The following CDH20 variants were observed in gnomAD, a reference collection of about 807,000 sequenced individuals.
CDH20 encodes the protein cadherin-20.
A neutral mutation model predicts 74.2 loss-of-function variants in CDH20; 29 were observed. The observed-to-expected ratio is 0.39, with a 90% CI of 0.29 to 0.53. CDH20 has a LOEUF of 0.53. Among genes scored for constraint, CDH20 ranks in the 20% least tolerant of loss-of-function variants. CDH20 has a pLI of 0.69. For synonymous variants in CDH20, 469 were observed against 405.4 expected, an observed-to-expected ratio of 1.16 and a Z score of -1.88; for missense variants, 988 against 1,048.3, an observed-to-expected ratio of 0.94 and a Z score of 0.79.
chr18:61,469,330 G>A, intron 1 of CDH20, among the ~76,000 whole-genome samples: 1 of 151,262 alleles, frequency 6.6e-6, no homozygotes, highest in East Asian at 1.9e-4. Context: ...GAAAGCAGCT[G>A]AGCAAAGCTT....
intron 7 of CDH20, among the ~76,000 whole-genome samples, chr18:61,535,391 T>G (rs1165683754): frequency 6.6e-6 from 1 of 152,202 alleles, no homozygotes; most frequent in East Asian, 1.9e-4. Context: ...AAGGTTCTCA[T>G]TGATGGTTCT....
chr18:61,418,947 T>C (rs763270109), intron 1 of CDH20, among the ~76,000 whole-genome samples: 79 of 152,234 alleles, frequency 5.2e-4, no homozygotes, highest in Non-Finnish European at 9.3e-4. Flanking sequence ...ATGCTTTTAT[T>C]TGAATTTGAT....
chr18:61,347,560 A>C (rs1910170727), intron 1 of CDH20, among the ~76,000 whole-genome samples: 1 of 147,744 alleles, frequency 6.8e-6, no homozygotes, highest in Non-Finnish European at 1.5e-5. Context: ...CCACACACAC[A>C]CACAAAAACA....
chr18:61,339,283 A>G lies in CDH20; in HGVS notation c.-153+5456A>G, dbSNP rs139244091. 4.7e-4 allele frequency among the ~76,000 whole-genome samples: 72 copies of G among 152,274 alleles called. 1 individual carries two copies. The East Asian group carries it at 0.012, about 26-fold the overall frequency. On this transcript the variant is annotated intron_variant, in intron 1 of 11. Transcript: ENST00000262717. ...TGAATTACTATTTACCAGTAGTAAC[A>G]TAATCAGATTCTACTCTTTAAGTAC...
intron 1 of CDH20, among the ~76,000 whole-genome samples, chr18:61,463,092 T>C (rs1390920229): frequency 2.6e-5 from 4 of 152,212 alleles, no homozygotes; most frequent in African/African-American, 9.6e-5. Flanking sequence ...ATTGTCTTCC[T>C]GGACTTAGAA....
rs139422800 is a variant in CDH20 at position 61,362,160 on chromosome 18, C to T, written c.-153+28333C>T. Among the ~76,000 whole-genome samples, 246 of 152,142 alleles carry T rather than the reference C, an allele frequency of 1.6e-3. 2 individuals carry two copies. Among genetic ancestry groups the T allele is most frequent in the Non-Finnish European group, 1.7e-3 (117 of 67,982 alleles). ...TAACCCAAAACCATCACTTAAAAAG[C>T]GAAATTACAGAAAATTTAAGAAAAT... On this transcript the variant is annotated intron_variant, in intron 1 of 11. Coordinates refer to ENST00000262717, the MANE Select transcript of CDH20 (RefSeq NM_031891.4).
chr18:61,456,085 G>T (rs192536221), intron 1 of CDH20, among the ~76,000 whole-genome samples: 1 of 152,164 alleles, frequency 6.6e-6, no homozygotes, highest in Non-Finnish European at 1.5e-5. Flanking sequence ...AAGCTTCACC[G>T]TTTGGGGTGG....
intron 1 of CDH20, among the ~76,000 whole-genome samples, chr18:61,402,688 CTG>C (rs1312452786): frequency 6.6e-6 from 1 of 152,122 alleles, no homozygotes; most frequent in Non-Finnish European, 1.5e-5. Flanking sequence ...TTAGAAAATT[CTG>C]TTTAAGTCTT....
intron 1 of CDH20, among the ~76,000 whole-genome samples, chr18:61,474,232 A>G (rs1010240319): frequency 6.6e-6 from 1 of 152,144 alleles, no homozygotes; most frequent in Non-Finnish European, 1.5e-5. Context: ...AAGAAACCTG[A>G]TGTTGTTTAA....
intron 1 of CDH20, among the ~76,000 whole-genome samples, chr18:61,434,351 A>G (rs1908757679): frequency 1.3e-5 from 2 of 152,178 alleles, no homozygotes; most frequent in South Asian, 4.1e-4. Context: ...AGAATTCTGT[A>G]TTTAGTGTAC....
At chr18:61,334,006 C>A (rs1428782510) in intron 1 of CDH20, among the ~76,000 whole-genome samples, 179 bp downstream of exon 1, 2 of 152,160 alleles carry the variant, frequency 1.3e-5, no homozygotes, top group African/African-American at 2.4e-5. Flanking sequence ...TCGACTTCCT[C>A]GGACTTAGTG....
At chr18:61,408,104 C>T (rs922034423) in intron 1 of CDH20, among the ~76,000 whole-genome samples, 3 of 151,016 alleles carry the variant, frequency 2.0e-5, no homozygotes, top group Non-Finnish European at 4.4e-5. Context: ...AATTTAAAAG[C>T]GAAAGAGCTT....
chr18:61,467,644 C>A (rs1243642315), intron 1 of CDH20, among the ~76,000 whole-genome samples: 1 of 152,204 alleles, frequency 6.6e-6, no homozygotes, highest in African/African-American at 2.4e-5. Flanking sequence ...GGGATATTTT[C>A]TTCTCTACTT....
At chr18:61,472,453 A>C (rs1599108681) in intron 1 of CDH20, among the ~76,000 whole-genome samples, 1 of 152,172 alleles carries the variant, frequency 6.6e-6, no homozygotes, top group Non-Finnish European at 1.5e-5. Context: ...GGGCCACTTT[A>C]AGTTGTCCTG....
At chr18:61,525,769 A>G (rs1321049088) in intron 6 of CDH20, among the ~76,000 whole-genome samples, 1 of 152,194 alleles carries the variant, frequency 6.6e-6, no homozygotes, top group African/African-American at 2.4e-5. Context: ...TTAAATTATT[A>G]CATGTACCCT....
intron 2 of CDH20, among the ~76,000 whole-genome samples, chr18:61,496,648 G>A (rs374077265): frequency 1.3e-5 from 2 of 152,154 alleles, no homozygotes; most frequent in Non-Finnish European, 2.9e-5. Flanking sequence ...GCTCACCTGC[G>A]GCCTGCCGGG....
At chr18:61,413,823 C>G (rs1032373167) in intron 1 of CDH20, among the ~76,000 whole-genome samples, 1 of 151,994 alleles carries the variant, frequency 6.6e-6, no homozygotes, top group African/African-American at 2.4e-5. Flanking sequence ...TAACATGAAG[C>G]ATACAAATGG....
chr18:61,373,599 G>A (rs1470716779), intron 1 of CDH20, among the ~76,000 whole-genome samples: 1 of 152,058 alleles, frequency 6.6e-6, no homozygotes, highest in African/African-American at 2.4e-5. Flanking sequence ...TGTGTGTATG[G>A]GACCAAGTCT....
chr18:61,438,970 G>T (rs1908932905), intron 1 of CDH20, among the ~76,000 whole-genome samples: 1 of 152,102 alleles, frequency 6.6e-6, no homozygotes, highest in South Asian at 2.1e-4. Context: ...GATGCAGCTG[G>T]AGGCCATTTT....
Sources: allele counts gnomAD v4.1 joint callset (sites outside exome capture counted in the v4.1 genomes callset), GRCh38; gene constraint gnomAD v4.1.1; transcripts MANE v1.5; gene names NCBI Gene and HGNC (gene_info 2026-07-23, HGNC 2026-07-21).